Variants in EPHA1 observed in about 807,000 individuals in gnomAD.
EPHA1 encodes the protein EPH receptor A1.
Under a neutral mutation model 110.1 loss-of-function variants are expected in EPHA1, and 92 were observed. The ratio of observed to expected loss-of-function variants is 0.84; its 90% confidence interval spans 0.71 to 0.99. The LOEUF is 0.99. Ranked by LOEUF, EPHA1 falls within the 50% of genes least tolerant of loss-of-function variation. EPHA1 has a pLI of 0.00. For missense variants in EPHA1, 1,204 were observed against 1,285.4 expected (o/e 0.94, Z 0.97); for synonymous variants, 500 against 516.1 (o/e 0.97, Z 0.42).
chr7:143,398,927 CG>C lies in EPHA1; in HGVS notation c.1009del (p.Arg337GlufsTer3), dbSNP rs763998595. ...CCCTGAGGCAGAGAAGCTCAGGTTT[CG>C]GGGGGCCGAGGGGGGACCTGTGGGA... Reference protein sequence around the residue: ...VACTGPPSAPRNLSFSASGTQ... With the variant: ...VACTGPPSAPXNLSFSASGTQ... On this transcript the variant is annotated frameshift_variant, in exon 6 of 18. Coordinates refer to ENST00000275815, the MANE Select transcript of EPHA1 (RefSeq NM_005232.5). LOFTEE classifies it high-confidence loss of function. The C allele has an allele frequency of 5.0e-6, 8 of 1,607,896 alleles. No individual in the cohort carries two copies. The highest frequency in any genetic ancestry group is 6.8e-6 in the Non-Finnish European group (8 of 1,176,888).
Position 143,391,231 on chromosome 7 carries a change from C to G in EPHA1, c.*226G>C. 1.7e-6 allele frequency: 1 copy of G among 580,672 alleles called. No individual in the cohort carries two copies. Among genetic ancestry groups the G allele is most frequent in the South Asian group, 2.0e-5 (1 of 49,076 alleles). 36.0% of individuals were successfully genotyped at this position (580,672 alleles called of 1,614,324 possible). A position where few individuals can be genotyped will look rare whatever the true frequency, so the allele number is the denominator to read the frequency against. Reference sequence around the variant, plus strand: ...TGTGTATGTATGTATATATATTAACCCCTCAGCTCCCTCCCATGATCATCC... The same window carrying G: ...TGTGTATGTATGTATATATATTAACGCCTCAGCTCCCTCCCATGATCATCC... On this transcript the variant is annotated 3_prime_UTR_variant, in exon 18 of 18. Transcript: ENST00000275815.
rs965079678 is a variant in EPHA1 at position 143,395,527 on chromosome 7, G to A, written c.1898-23C>T. The A allele has an allele frequency of 6.2e-7, 1 of 1,611,606 alleles. No individual in the cohort carries two copies. Among genetic ancestry groups the A allele is most frequent in the Non-Finnish European group, 8.5e-7 (1 of 1,178,856 alleles). On this transcript the variant is annotated intron_variant, in intron 11 of 17. Transcript: ENST00000275815. The surrounding 1 kb of genome is among the most constrained non-coding windows in gnomAD (Gnocchi z 4.7). The stretch of plus-strand genomic sequence containing the variant: ...CTCCTGGGTAGAAAGAAAACAGGCT[G>A]TGGCCCGATGCACTGCAGGGCTCCT...
intron 2 of EPHA1, among the ~76,000 whole-genome samples, chr7:143,403,366 C>G (rs1284507687): frequency 6.6e-6 from 1 of 152,024 alleles, no homozygotes. Context: ...GCAAGATTCC[C>G]TCTCAAAAAA....
rs114545539 is a variant in EPHA1, at chr7:143,393,226, G to C, written c.2696+445C>G. 8.6e-3 allele frequency among the ~76,000 whole-genome samples: 1,314 copies of C among 152,210 alleles called. 17 individuals carry two copies. The highest frequency in any genetic ancestry group is 0.028 in the African/African-American group (1,169 of 41,520). ...TGGAGCTTGGGTAATAAGTGCAGCTGTATCTCCAATGTCCAGCAAACAGCT... is the reference window on the plus strand; with the variant it reads ...TGGAGCTTGGGTAATAAGTGCAGCTCTATCTCCAATGTCCAGCAAACAGCT... On this transcript the variant is annotated intron_variant, in intron 16 of 17. Transcript: ENST00000275815. This position sits in a 1 kb window ranked among gnomAD's most constrained non-coding sequence, Gnocchi z 5.6.
chr7:143,393,968 G>T lies in EPHA1; in HGVS notation c.2503-104C>A. The stretch of plus-strand genomic sequence containing the variant: ...TAATTGCAGTGGAGATCCTAGGATG[G>T]GAGGAGGTGGGAGGACCAGGGTGGG... On this transcript the variant is annotated intron_variant, in intron 15 of 17. Transcript: ENST00000275815. This position sits in a 1 kb window ranked among gnomAD's most constrained non-coding sequence, Gnocchi z 5.6. 3 of 1,343,896 alleles carry T rather than the reference G, an allele frequency of 2.2e-6. No homozygotes were observed. The highest frequency in any genetic ancestry group is 3.0e-6 in the Non-Finnish European group (3 of 991,804). 83.2% of individuals were successfully genotyped at this position (1,343,896 alleles called of 1,614,324 possible).
At chr7:143,392,651 T>C (rs772668320) in intron 16 of EPHA1, among the ~76,000 whole-genome samples, 2 of 151,638 alleles carry the variant, frequency 1.3e-5, no homozygotes, top group African/African-American at 4.8e-5. Context: ...CTTTTAAGAA[T>C]TGGTTCTCCA....
rs917981434 is a variant in EPHA1 at position 143,401,763 on chromosome 7, G to A, written c.151-158C>T. Among the ~76,000 whole-genome samples the A allele has an allele frequency of 6.6e-6, 1 of 152,158 alleles. No homozygotes were observed. The highest frequency in any genetic ancestry group is 2.4e-5 in the African/African-American group (1 of 41,432). ...CCTCAGCTCCAGGACAGTAGACTGAGTGTTTAGGGTTGGGGATTTGTTTGG... is the reference window on the plus strand; with the variant it reads ...CCTCAGCTCCAGGACAGTAGACTGAATGTTTAGGGTTGGGGATTTGTTTGG... On this transcript the variant is annotated intron_variant, in intron 2 of 17. Transcript: ENST00000275815. This position sits in a 1 kb window ranked among gnomAD's most constrained non-coding sequence, Gnocchi z 4.1.
Position 143,395,302 on chromosome 7 carries a change from G to A in EPHA1, c.2083+17C>T, listed in dbSNP as rs767880997. On this transcript the variant is annotated intron_variant, in intron 12 of 17. Coordinates refer to ENST00000275815, the MANE Select transcript of EPHA1 (RefSeq NM_005232.5). The surrounding 1 kb of genome is among the most constrained non-coding windows in gnomAD (Gnocchi z 4.7). The stretch of plus-strand genomic sequence containing the variant: ...CTGCATTTCCCGCCCCCAGCTGAGG[G>A]AGACCACTCATCGTACGCTTTGTGA... The A allele has an allele frequency of 2.5e-6, 4 of 1,614,098 alleles. No individual in the cohort carries two copies. The highest frequency in any genetic ancestry group is 2.2e-5 in the East Asian group (1 of 44,876).
chr7:143,391,877 C>A, intron 16 of EPHA1, 102 bp from the exon 17 acceptor site: 1 of 1,529,022 alleles, frequency 6.5e-7, no homozygotes, highest in Admixed American at 1.9e-5. Context: ...GGTGTCTGGG[C>A]ACAGAGATCA....
chr7:143,399,300 G>A lies in EPHA1; in HGVS notation c.949C>T (p.His317Tyr). Residue 317 changes from histidine to tyrosine, a missense_variant, in exon 5 of 18, where the codon CAT (histidine) becomes TAT (tyrosine). Physicochemically the swap from His to Tyr is moderately conservative, Grantham distance 83. Coordinates refer to ENST00000275815, the MANE Select transcript of EPHA1 (RefSeq NM_005232.5). The part of the protein sequence containing the change: ...GATICTCESG[H>Y]YRAPGEGPQV... ...GGGCCCTCCCCGGGAGCTCTGTAATGGCCGCTCTCACAGGTACAGATGGTG... is the reference window on the plus strand; with the variant it reads ...GGGCCCTCCCCGGGAGCTCTGTAATAGCCGCTCTCACAGGTACAGATGGTG... 5 of 1,612,182 alleles carry A rather than the reference G, an allele frequency of 3.1e-6. No homozygotes were observed. Among genetic ancestry groups the A allele is most frequent in the Non-Finnish European group, 4.2e-6 (5 of 1,179,884 alleles).
chr7:143,406,653 G>A (rs1456647904), intron 2 of EPHA1, among the ~76,000 whole-genome samples: 1 of 152,200 alleles, frequency 6.6e-6, no homozygotes, highest in African/African-American at 2.4e-5. Context: ...CTCAACCTGA[G>A]GCTATCTCCA....
At chr7:143,403,974 T>C (rs543715161) in intron 2 of EPHA1, among the ~76,000 whole-genome samples, 2 of 152,358 alleles carry the variant, frequency 1.3e-5, no homozygotes, top group South Asian at 4.1e-4. Context: ...ATTTTCTCCC[T>C]GTCTGCCATA....
rs1805430154 is a variant in EPHA1, at chr7:143,401,862, T to C, written c.151-257A>G. ...GGTCCCTTCAGTTAGTCTAGTCCAC[T>C]TATTTCATCAGCAGAACAGCCAGGT... On this transcript the variant is annotated intron_variant, in intron 2 of 17. Transcript: ENST00000275815. This position sits in a 1 kb window ranked among gnomAD's most constrained non-coding sequence, Gnocchi z 4.1. Among the ~76,000 whole-genome samples, 1 of 152,198 alleles carries C rather than the reference T, an allele frequency of 6.6e-6. No individual in the cohort carries two copies. The highest frequency in any genetic ancestry group is 1.5e-5 in the Non-Finnish European group (1 of 68,030).
At position 143,398,715 on chromosome 7, in the gene EPHA1, C is replaced by T; in HGVS notation, c.1222G>A (p.Gly408Ser). The T allele has an allele frequency of 6.2e-7, 1 of 1,614,132 alleles. No individual in the cohort carries two copies. Among genetic ancestry groups the T allele is most frequent in the Non-Finnish European group, 8.5e-7 (1 of 1,180,016 alleles). The stretch of plus-strand genomic sequence containing the variant: ...GTGTAGTTGGCATAAGGTTCAAGGC[C>T]ATTGACATGCACTGCAGGTGTGGTG... ...GLTTPAVHVN[G>S]LEPYANYTFN... is the part of the protein sequence containing the mutation. The change falls in exon 6 of 18, where the codon GGC (glycine) becomes AGC (serine). Residue 408 changes from glycine (G) to serine (S), a missense_variant. Physicochemically the swap from Gly to Ser is moderately conservative, Grantham distance 56. Coordinates refer to ENST00000275815, the MANE Select transcript of EPHA1 (RefSeq NM_005232.5).
intron 2 of EPHA1, among the ~76,000 whole-genome samples, chr7:143,406,666 T>C (rs530912843): frequency 6.6e-6 from 1 of 152,298 alleles, no homozygotes; most frequent in African/African-American, 2.4e-5. Flanking sequence ...TATCTCCAGG[T>C]AGATAGTGTA....
chr7:143,399,879 G>A lies in EPHA1; in HGVS notation c.607C>T (p.Arg203Cys), dbSNP rs746832004. The change falls in exon 4 of 18, where the codon CGC becomes TGC. Residue 203 changes from arginine to cysteine, a missense_variant. Transcript: ENST00000275815. Reference protein sequence around the residue: ...ALVSVRVFYQRCPETLNGLAQ... With the variant: ...ALVSVRVFYQCCPETLNGLAQ... ...AAGCCATTCAGGGTCTCAGGACAGC[G>A]CTGGTAGAAGACCCGGACAGACACC... 3.7e-6 allele frequency: 6 copies of A among 1,607,754 alleles called. No individual in the cohort carries two copies. The highest frequency in any genetic ancestry group is 1.3e-5 in the African/African-American group (1 of 74,878).
Position 143,395,342 on chromosome 7 carries a change from T to G in EPHA1, c.2060A>C (p.His687Pro), listed in dbSNP as rs371479433. 6.2e-7 allele frequency: 1 copy of G among 1,614,202 alleles called. No homozygotes were observed. The highest frequency in any genetic ancestry group is 8.5e-7 in the Non-Finnish European group (1 of 1,180,046). The change falls in exon 12 of 18, where the codon CAT becomes CCT. Residue 687 changes from histidine (H) to proline (P), a missense_variant. Physicochemically the swap from His to Pro is moderately conservative, Grantham distance 77. Transcript: ENST00000275815. The surrounding 1 kb of genome is among the most constrained non-coding windows in gnomAD (Gnocchi z 4.7). ...ACGCTTTGTGACGACGCCTTCCAGA[T>G]GCAGAATATGCGGGTGGCTAAACTG... ...MGQFSHPHILHLEGVVTKRKP... is the reference protein window; with the variant it reads ...MGQFSHPHILPLEGVVTKRKP...
intron 7 of EPHA1, 44 bp from the exon 8 acceptor site, chr7:143,398,114 C>G (rs1208334285): frequency 6.2e-7 from 1 of 1,607,494 alleles, no homozygotes; most frequent in South Asian, 1.1e-5. Context: ...TGAGCCAGAC[C>G]CGGGTGGATG....
rs1339558737 is a variant in EPHA1 at position 143,397,408 on chromosome 7, C to G, written c.1713-46G>C. 3 of 1,549,014 alleles carry G rather than the reference C, an allele frequency of 1.9e-6. No individual in the cohort carries two copies. The African/African-American group carries it at 4.1e-5, about 21-fold the overall frequency. Reference sequence around the variant, plus strand: ...CTCCTTCAGGGCCCCAGGACCACCTCAGGGGTCCGAGGGACTCTGGCTGAA... The same window carrying G: ...CTCCTTCAGGGCCCCAGGACCACCTGAGGGGTCCGAGGGACTCTGGCTGAA... On this transcript the variant is annotated intron_variant, in intron 9 of 17. Coordinates refer to ENST00000275815, the MANE Select transcript of EPHA1 (RefSeq NM_005232.5).
Sources: gnomAD v4.1 joint callset for allele counts (sites outside exome capture counted in the v4.1 genomes callset) on GRCh38, gnomAD v4.1.1 for gene constraint, Gnocchi (gnomAD v3.1) non-coding constraint, MANE v1.5 for transcripts, NCBI Gene and HGNC (gene_info 2026-07-23, HGNC 2026-07-21) for gene names.